Variants in DPP10 observed in about 807,000 individuals in gnomAD.
DPP10 encodes dipeptidyl peptidase like 10.
DPP10 carries 33 observed loss-of-function variants against 120.9 expected under a neutral mutation model. The observed-to-expected ratio is 0.27, with a 90% CI of 0.21 to 0.37. The LOEUF (loss-of-function observed/expected upper bound fraction) is 0.37. Ranked by LOEUF, DPP10 falls within the 10% of genes least tolerant of loss-of-function variation. The pLI is 1.00. For synonymous variants in DPP10, 337 were observed against 326.1 expected, an observed-to-expected ratio of 1.03 and a Z score of -0.36; for missense variants, 816 against 942.8, an observed-to-expected ratio of 0.87 and a Z score of 1.76.
At chr2:114,665,032 C>A (rs1697812041) in intron 1 of DPP10, among the ~76,000 whole-genome samples, 1 of 152,082 alleles carries the variant, frequency 6.6e-6, no homozygotes, top group Non-Finnish European at 1.5e-5. Context: ...ACAGAGCATA[C>A]AAAAGATGGT....
At chr2:115,202,835 A>G (rs1329285637) in intron 1 of DPP10, among the ~76,000 whole-genome samples, 1 of 152,196 alleles carries the variant, frequency 6.6e-6, no homozygotes, top group Non-Finnish European at 1.5e-5. Context: ...CAAGTCTTCC[A>G]TATCGGCATA....
intron 13 of DPP10, among the ~76,000 whole-genome samples, chr2:115,776,790 C>T (rs1046794489): frequency 6.6e-6 from 1 of 151,878 alleles, no homozygotes; most frequent in African/African-American, 2.4e-5. Flanking sequence ...AATCTTATAA[C>T]AATGCCCATA....
intron 5 of DPP10, among the ~76,000 whole-genome samples, chr2:115,630,354 A>G (rs1182395557): frequency 6.6e-6 from 1 of 152,188 alleles, no homozygotes; most frequent in Non-Finnish European, 1.5e-5. Context: ...ATCTGCAAAT[A>G]GAGACAGTTT....
intron 8 of DPP10, among the ~76,000 whole-genome samples, chr2:115,728,874 C>CATAATTTATTA (rs2092831361): frequency 6.6e-6 from 1 of 152,006 alleles, no homozygotes; most frequent in South Asian, 2.1e-4. Context: ...TCTAATAAAC[C>CATAATTTATTA]GTATATTTAC....
At chr2:114,523,854 A>C (rs1279101818) in intron 1 of DPP10, among the ~76,000 whole-genome samples, 1 of 152,160 alleles carries the variant, frequency 6.6e-6, no homozygotes, top group Non-Finnish European at 1.5e-5. Flanking sequence ...ACTCACCCTA[A>C]TGATCCATCT....
intron 3 of DPP10, chr2:115,469,056 G>A (rs564489519): frequency 7.6e-4 from 141 of 185,430 alleles, no homozygotes; most frequent in African/African-American, 3.3e-3. Context: ...CTCCTGAGTA[G>A]CTGGGATTAC....
At chr2:114,760,394 C>T (rs1680176495) in intron 1 of DPP10, among the ~76,000 whole-genome samples, 1 of 152,140 alleles carries the variant, frequency 6.6e-6, no homozygotes, top group African/African-American at 2.4e-5. Context: ...CCTGTGGTAC[C>T]ATGCAGACTC....
intron 3 of DPP10, among the ~76,000 whole-genome samples, chr2:115,437,742 A>G (rs945190056): frequency 6.6e-6 from 1 of 152,068 alleles, no homozygotes; most frequent in South Asian, 2.1e-4. Context: ...CTAAACATTT[A>G]TGTTCATCTA....
At chr2:115,134,472 A>G (rs1189970060) in intron 1 of DPP10, among the ~76,000 whole-genome samples, 2 of 152,218 alleles carry the variant, frequency 1.3e-5, no homozygotes, top group African/African-American at 4.8e-5. Context: ...AATCACATTT[A>G]GATGGGAAAA....
At chr2:114,880,064 T>C (rs1574404070) in intron 1 of DPP10, among the ~76,000 whole-genome samples, 1 of 152,180 alleles carries the variant, frequency 6.6e-6, no homozygotes, top group South Asian at 2.1e-4. Flanking sequence ...CCTGTGGAGC[T>C]TTTTCACCTC....
At chr2:115,518,063 G>C (rs982914762) in intron 4 of DPP10, among the ~76,000 whole-genome samples, 6 of 152,104 alleles carry the variant, frequency 3.9e-5, no homozygotes, top group Admixed American at 3.3e-4. Flanking sequence ...GACGTGCCAG[G>C]CTCTTTTTAA....
chr2:114,871,761 G>A (rs1690706787), intron 1 of DPP10, among the ~76,000 whole-genome samples: 1 of 152,190 alleles, frequency 6.6e-6, no homozygotes, highest in South Asian at 2.1e-4. Context: ...TCTTTGGCCT[G>A]TTGGGAACTG....
intron 1 of DPP10, among the ~76,000 whole-genome samples, chr2:115,225,118 A>AT (rs368551868): frequency 2.0e-4 from 31 of 152,256 alleles, no homozygotes; most frequent in African/African-American, 6.0e-4. Context: ...GCAAGTTGCC[A>AT]TTTTTTTGAT....
At chr2:115,101,896 A>T (rs186161569) in intron 1 of DPP10, among the ~76,000 whole-genome samples, 1 of 152,200 alleles carries the variant, frequency 6.6e-6, no homozygotes, top group Admixed American at 6.5e-5. Flanking sequence ...AATTTGCAAA[A>T]TATTTGGGTA....
At chr2:115,127,549 T>C (rs183360788) in intron 1 of DPP10, among the ~76,000 whole-genome samples, 2 of 152,332 alleles carry the variant, frequency 1.3e-5, no homozygotes, top group African/African-American at 4.8e-5. Context: ...AATATCTGTG[T>C]TTCTATCAAG....
intron 1 of DPP10, among the ~76,000 whole-genome samples, chr2:115,016,177 A>C (rs1286648298): frequency 6.6e-6 from 1 of 152,132 alleles, no homozygotes; most frequent in Non-Finnish European, 1.5e-5. Context: ...ACAGAACAGA[A>C]CAGAGGCCTC....
chr2:115,733,729 C>T (rs1012966056), intron 8 of DPP10, among the ~76,000 whole-genome samples: 4 of 152,060 alleles, frequency 2.6e-5, no homozygotes, highest in Admixed American at 6.5e-5. Flanking sequence ...TAAACACAAT[C>T]GTTGTATCTC....
At chr2:114,521,883 C>T (rs1685086296) in intron 1 of DPP10, among the ~76,000 whole-genome samples, 1 of 148,184 alleles carries the variant, frequency 6.7e-6, no homozygotes, top group Admixed American at 6.7e-5. Context: ...TCTCGGCTCA[C>T]TGCAAGCTCC....
chr2:114,809,871 T>C (rs958102935), intron 1 of DPP10, among the ~76,000 whole-genome samples: 2 of 152,200 alleles, frequency 1.3e-5, no homozygotes, highest in African/African-American at 4.8e-5. Context: ...AACACTGCTA[T>C]AAGACGAGCT....
Sources: allele counts gnomAD v4.1 joint callset (sites outside exome capture counted in the v4.1 genomes callset), GRCh38; gene constraint gnomAD v4.1.1; transcripts MANE v1.5; gene names NCBI Gene and HGNC (gene_info 2026-07-23, HGNC 2026-07-21).